The following CFAP61 variants were observed in gnomAD, a reference collection of about 807,000 sequenced individuals.
The protein encoded by CFAP61 is cilia and flagella associated protein 61, also known as cilia- and flagella-associated protein 61.
In CFAP61, 107 loss-of-function variants were observed where a neutral mutation model predicts 135.6. The observed-to-expected ratio is 0.79, with a 90% CI of 0.67 to 0.93. CFAP61 has a LOEUF of 0.93. Among genes scored for constraint, CFAP61 ranks in the 40% least tolerant of loss-of-function variants. The pLI, the probability that CFAP61 is intolerant of heterozygous loss-of-function variation, is 0.00. For missense variants in CFAP61, 1,507 were observed against 1,556.2 expected (o/e 0.97, Z 0.53); for synonymous variants, 575 against 578.5 (o/e 0.99, Z 0.09).
intron 6 of CFAP61, among the ~76,000 whole-genome samples, chr20:20,087,923 C>T (rs540714053): frequency 5.8e-4 from 88 of 151,792 alleles, no homozygotes; most frequent in Non-Finnish European, 1.0e-3. Flanking sequence ...TTTATGGTGG[C>T]GCCTCAGTCC....
intron 9 of CFAP61, among the ~76,000 whole-genome samples, chr20:20,145,656 T>A (rs1234523125): frequency 2.0e-5 from 3 of 152,154 alleles, no homozygotes; most frequent in Non-Finnish European, 4.4e-5. Context: ...AATATAAAGA[T>A]ACAATAGGCT....
chr20:20,162,197 C>T lies in CFAP61; in HGVS notation c.1027-1853C>T, dbSNP rs73123605. Among the ~76,000 whole-genome samples the T allele has an allele frequency of 4.9e-3, 751 of 152,298 alleles. 7 individuals carry two copies. Among genetic ancestry groups the T allele is most frequent in the Non-Finnish European group, 7.7e-3 (527 of 68,018 alleles). ...CCTCTGACTCAGACCTGCTGCCTCC[C>T]TCTTAGCAGATCCCTATGATTCCTC... On this transcript the variant is annotated intron_variant, in intron 10 of 26. Transcript: ENST00000245957.
intron 7 of CFAP61, among the ~76,000 whole-genome samples, chr20:20,093,090 A>G (rs184157117): frequency 6.6e-6 from 1 of 152,362 alleles, no homozygotes; most frequent in African/African-American, 2.4e-5. Context: ...GAATAGATAA[A>G]CAAGATGTGG....
At chr20:20,072,091 C>CTTTTTTTTTTTTTTTTTTT (rs71198039) in intron 3 of CFAP61, among the ~76,000 whole-genome samples, 1 of 57,606 alleles carries the variant, frequency 1.7e-5, no homozygotes, top group African/African-American at 5.7e-5. Flanking sequence ...ATCTAGCAAT[C>CTTTTTTTTTTTTTTTTTTT]TTTTTTTTTT....
Position 20,183,715 on chromosome 20 carries a change from C to T in CFAP61, c.1386-4215C>T, listed in dbSNP as rs1186067934. 2.6e-5 allele frequency among the ~76,000 whole-genome samples: 4 copies of T among 152,112 alleles called. 1 individual carries two copies. The highest frequency in any genetic ancestry group is 1.3e-4 in the Admixed American group (2 of 15,274). On this transcript the variant is annotated intron_variant, in intron 13 of 26. Transcript: ENST00000245957. ...GCGTGTAATCAATATTTAAAAAGCA[C>T]GAATGAGATACTTTATGTTACTTTT...
intron 13 of CFAP61, among the ~76,000 whole-genome samples, chr20:20,187,412 C>T (rs755640651): frequency 4.6e-5 from 7 of 152,188 alleles, no homozygotes; most frequent in East Asian, 3.9e-4. Flanking sequence ...AGGCCCCTGA[C>T]GTGCTCCATT....
intron 25 of CFAP61, among the ~76,000 whole-genome samples, chr20:20,305,009 T>A (rs1421446311): frequency 1.3e-5 from 2 of 152,220 alleles, no homozygotes; most frequent in African/African-American, 2.4e-5. Flanking sequence ...AGCTTCTTTG[T>A]ATGAGCCCAT....
intron 17 of CFAP61, among the ~76,000 whole-genome samples, chr20:20,208,794 C>T (rs1036999120): frequency 1.4e-4 from 22 of 152,188 alleles, no homozygotes; most frequent in Admixed American, 2.0e-4. Context: ...AGGTTCTGCC[C>T]GTGCAGGCCA....
chr20:20,272,270 T>A (rs1224282655), intron 21 of CFAP61, among the ~76,000 whole-genome samples: 1 of 151,966 alleles, frequency 6.6e-6, no homozygotes, highest in African/African-American at 2.4e-5. Flanking sequence ...TGAAACCCCA[T>A]CTCTATTAAA....
At chr20:20,349,005 G>T (rs1198315834) in intron 26 of CFAP61, among the ~76,000 whole-genome samples, 1 of 152,058 alleles carries the variant, frequency 6.6e-6, no homozygotes, top group African/African-American at 2.4e-5. Flanking sequence ...GAGCAATCAG[G>T]CAAGAAAAAG....
intron 18 of CFAP61, among the ~76,000 whole-genome samples, chr20:20,245,619 C>T (rs553233908): frequency 1.6e-4 from 24 of 152,176 alleles, no homozygotes; most frequent in South Asian, 6.2e-4. Flanking sequence ...CAATGGTCTT[C>T]GCAAATTACT....
intron 9 of CFAP61, among the ~76,000 whole-genome samples, chr20:20,156,198 T>C (rs2052893891): frequency 6.6e-6 from 1 of 152,044 alleles, no homozygotes; most frequent in African/African-American, 2.4e-5. Flanking sequence ...TGAGTCAATA[T>C]ACAAAAAGGA....
intron 8 of CFAP61, among the ~76,000 whole-genome samples, chr20:20,112,906 A>C (rs2048893120): frequency 6.6e-6 from 1 of 152,108 alleles, no homozygotes; most frequent in Non-Finnish European, 1.5e-5. Context: ...TTGTGATTTT[A>C]ATCTTCTCTT....
intron 6 of CFAP61, among the ~76,000 whole-genome samples, chr20:20,081,498 G>T (rs970154988): frequency 1.3e-5 from 2 of 152,178 alleles, no homozygotes; most frequent in Non-Finnish European, 2.9e-5. Flanking sequence ...GTAAGGTATT[G>T]TCTGTTAATT....
At chr20:20,065,545 T>A (rs1323061403) in intron 2 of CFAP61, among the ~76,000 whole-genome samples, 1 of 151,984 alleles carries the variant, frequency 6.6e-6, no homozygotes, top group Non-Finnish European at 1.5e-5. Flanking sequence ...GTTTCATTTT[T>A]TATATTAGGC....
chr20:20,250,191 C>G (rs2050778976), intron 19 of CFAP61, among the ~76,000 whole-genome samples: 1 of 152,214 alleles, frequency 6.6e-6, no homozygotes, highest in South Asian at 2.1e-4. Context: ...ATTACCACTT[C>G]AGAATCTTGT....
At chr20:20,322,412 C>T (rs778369871) in intron 25 of CFAP61, among the ~76,000 whole-genome samples, 1 of 152,096 alleles carries the variant, frequency 6.6e-6, no homozygotes, top group Non-Finnish European at 1.5e-5. Context: ...GGGGGTTGAG[C>T]GGATTCCAAC....
intron 11 of CFAP61, among the ~76,000 whole-genome samples, chr20:20,164,675 T>C (rs748597124): frequency 6.6e-6 from 1 of 152,228 alleles, no homozygotes; most frequent in Non-Finnish European, 1.5e-5. Flanking sequence ...TAAATATGGC[T>C]TGATCTAGGA....
chr20:20,056,589 C>A, intron 1 of CFAP61, 29 bp from the exon 2 acceptor site: 1 of 1,513,316 alleles, frequency 6.6e-7, no homozygotes, highest in Non-Finnish European at 9.1e-7. Context: ...GTATTATAAC[C>A]AAACTGGCTT....
Sources: gnomAD v4.1 joint callset for allele counts (sites outside exome capture counted in the v4.1 genomes callset) on GRCh38, gnomAD v4.1.1 for gene constraint, MANE v1.5 for transcripts, NCBI Gene and HGNC (gene_info 2026-07-23, HGNC 2026-07-21) for gene names.